Variants in NETO1 observed in about 807,000 individuals in gnomAD.
NETO1 encodes the protein neuropilin and tolloid like 1.
A neutral mutation model predicts 61.3 loss-of-function variants in NETO1; 26 were observed. The observed-to-expected ratio is 0.42, with a 90% CI of 0.31 to 0.59. NETO1 has a LOEUF of 0.59. Among genes scored for constraint, NETO1 ranks in the 20% least tolerant of loss-of-function variants. The pLI is 0.12. For synonymous variants in NETO1, 225 were observed against 225.8 expected, an observed-to-expected ratio of 1.00 and a Z score of 0.03; for missense variants, 531 against 662.8, an observed-to-expected ratio of 0.80 and a Z score of 2.18.
chr18:72,833,063 C>CCA (rs1357017690), intron 4 of NETO1, among the ~76,000 whole-genome samples: 1 of 152,162 alleles, frequency 6.6e-6, no homozygotes, highest in Non-Finnish European at 1.5e-5. Context: ...TCCATAGTCT[C>CCA]CACACAGCTC....
intron 7 of NETO1, among the ~76,000 whole-genome samples, chr18:72,774,426 T>C (rs1216158929): frequency 6.6e-6 from 1 of 152,134 alleles, no homozygotes; most frequent in African/African-American, 2.4e-5. Context: ...GTATTCAAAA[T>C]TAAAATTATT....
chr18:72,807,591 T>C (rs2072715569), intron 4 of NETO1, among the ~76,000 whole-genome samples: 2 of 152,246 alleles, frequency 1.3e-5, no homozygotes, highest in African/African-American at 4.8e-5. Flanking sequence ...AACAAGGCAA[T>C]ACTACTGTTC....
intron 7 of NETO1, among the ~76,000 whole-genome samples, chr18:72,782,453 A>C (rs781760699): frequency 6.6e-6 from 1 of 152,190 alleles, no homozygotes; most frequent in Admixed American, 6.5e-5. Context: ...GCAGTGCGTA[A>C]GTGTTCCCTT....
intron 8 of NETO1, among the ~76,000 whole-genome samples, chr18:72,751,077 A>ACACACACAC (rs60112090): frequency 3.3e-5 from 5 of 150,692 alleles, no homozygotes; most frequent in South Asian, 2.1e-4. Context: ...ACACACACAC[A>ACACACACAC]ATCTATCTAT....
At chr18:72,806,733 A>G (rs1398737959) in intron 4 of NETO1, among the ~76,000 whole-genome samples, 2 of 152,098 alleles carry the variant, frequency 1.3e-5, no homozygotes, top group African/African-American at 4.8e-5. Flanking sequence ...CCTTGTTCTC[A>G]TTCAATTCCC....
At chr18:72,761,993 A>G (rs1403550308) in intron 7 of NETO1, among the ~76,000 whole-genome samples, 2 of 152,170 alleles carry the variant, frequency 1.3e-5, no homozygotes, top group East Asian at 1.9e-4. Flanking sequence ...TTTAATCCAA[A>G]TATTTCCAAT....
chr18:72,760,527 G>T (rs1186917457), intron 7 of NETO1, among the ~76,000 whole-genome samples: 1 of 152,170 alleles, frequency 6.6e-6, no homozygotes, highest in African/African-American at 2.4e-5. Flanking sequence ...GCAAAAGCAG[G>T]TTTATAAGAG....
intron 8 of NETO1, among the ~76,000 whole-genome samples, chr18:72,754,973 G>C (rs987091529): frequency 2.6e-5 from 4 of 152,118 alleles, no homozygotes; most frequent in Non-Finnish European, 5.9e-5. Flanking sequence ...AACTAGAAAT[G>C]AATGCAATTT....
chr18:72,826,693 T>C (rs1318998991), intron 4 of NETO1, among the ~76,000 whole-genome samples: 1 of 152,148 alleles, frequency 6.6e-6, no homozygotes, highest in Non-Finnish European at 1.5e-5. Flanking sequence ...AACAACAAGT[T>C]ACACAAAAAA....
chr18:72,831,034 C>T (rs2073560231), intron 4 of NETO1, among the ~76,000 whole-genome samples: 1 of 152,130 alleles, frequency 6.6e-6, no homozygotes, highest in African/African-American at 2.4e-5. Flanking sequence ...TCAAGACCCC[C>T]TTACCCCACT....
At chr18:72,839,752 C>T (rs1020637179) in intron 4 of NETO1, among the ~76,000 whole-genome samples, 1 of 151,872 alleles carries the variant, frequency 6.6e-6, no homozygotes, top group African/African-American at 2.4e-5. Flanking sequence ...TGGGAAGAGG[C>T]AAACTTTTCC....
chr18:72,768,897 T>C (rs2145166476), intron 7 of NETO1, among the ~76,000 whole-genome samples: 1 of 152,352 alleles, frequency 6.6e-6, no homozygotes, highest in East Asian at 1.9e-4. Flanking sequence ...TAAAGTTGTG[T>C]TATCTGATGC....
intron 4 of NETO1, among the ~76,000 whole-genome samples, chr18:72,805,121 T>C (rs973850550): frequency 6.6e-6 from 1 of 152,206 alleles, no homozygotes; most frequent in Non-Finnish European, 1.5e-5. Flanking sequence ...TGAGCTAACA[T>C]GCAGCACCAA....
chr18:72,783,592 T>A (rs1360149022), intron 7 of NETO1, 86 bp downstream of exon 7: 1 of 1,100,318 alleles, frequency 9.1e-7, no homozygotes, highest in African/African-American at 1.5e-5. Flanking sequence ...GTGCTCACTG[T>A]GTGAAGAAAA....
intron 8 of NETO1, 91 bp downstream of exon 8, chr18:72,755,941 CTT>C: frequency 1.5e-6 from 1 of 660,804 alleles, no homozygotes; most frequent in South Asian, 1.9e-5. Flanking sequence ...ACTATACACT[CTT>C]ATTTTAAAGA....
At chr18:72,773,616 A>C (rs1008700765) in intron 7 of NETO1, among the ~76,000 whole-genome samples, 3 of 152,106 alleles carry the variant, frequency 2.0e-5, no homozygotes, top group Non-Finnish European at 2.9e-5. Context: ...ATAGTGAGTG[A>C]GTTCTCAGGA....
chr18:72,817,695 T>A (rs2073070522), intron 4 of NETO1, among the ~76,000 whole-genome samples: 1 of 152,242 alleles, frequency 6.6e-6, no homozygotes, highest in Admixed American at 6.5e-5. Context: ...TAACAAATAG[T>A]GCTTCACTTC....
Position 72,867,445 on chromosome 18 carries a change from G to C in NETO1, c.-154C>G. The C allele has an allele frequency of 2.2e-6, 1 of 463,266 alleles. No individual in the cohort carries two copies. Among genetic ancestry groups the C allele is most frequent in the Non-Finnish European group, 3.7e-6 (1 of 266,974 alleles). 28.7% of individuals were successfully genotyped at this position (463,266 alleles called of 1,614,324 possible). ...GCCGAGAGGGAGACCGAGAGGAAGG[G>C]GGAGCTCCGAGCCCACGCTGCAGCC... On this transcript the variant is annotated 5_prime_UTR_variant, in exon 1 of 11. Transcript: ENST00000327305.
intron 6 of NETO1, among the ~76,000 whole-genome samples, chr18:72,784,444 C>T (rs2071846565): frequency 6.6e-6 from 1 of 152,086 alleles, no homozygotes; most frequent in South Asian, 2.1e-4. Flanking sequence ...TATAAAAAGG[C>T]CAAGCTAGTC....
Sources: allele counts gnomAD v4.1 joint callset (sites outside exome capture counted in the v4.1 genomes callset), GRCh38; gene constraint gnomAD v4.1.1; transcripts MANE v1.5; gene names NCBI Gene and HGNC (gene_info 2026-07-23, HGNC 2026-07-21).